MYOF: variants seen among roughly 807,000 people sequenced by gnomAD.
MYOF encodes myoferlin, also known as fer-1-like 3, myoferlin.
In MYOF, 244 loss-of-function variants were observed where a neutral mutation model predicts 284.2. That is an observed-to-expected ratio of 0.86 (90% CI 0.77 to 0.95). The LOEUF (loss-of-function observed/expected upper bound fraction) is 0.95. MYOF is among the 40% of genes least tolerant of loss of function. The pLI is 0.00. For synonymous variants in MYOF, 904 were observed against 919.7 expected (o/e 0.98, Z 0.31); for missense variants, 2,496 against 2,560.6 (o/e 0.97, Z 0.54).
At position 93,374,829 on chromosome 10, in the gene MYOF, T is replaced by G; in HGVS notation, c.2235A>C (p.Thr745=). ...TTTCTGCCAGTGTGGACTTCACATC[T>G]GTGGCTTCCGACCTCATCCTCACAG... ...EAAVRMRSEA[T]DVKSTLAEIE... Residue 745 remains threonine (T), a synonymous_variant, in exon 23 of 54, where the codon ACA becomes ACC. Coordinates refer to ENST00000359263, the MANE Select transcript of MYOF (RefSeq NM_013451.4). 6.2e-7 allele frequency: 1 copy of G among 1,614,202 alleles called. No homozygotes were observed. The highest frequency in any genetic ancestry group is 8.5e-7 in the Non-Finnish European group (1 of 1,180,026).
In MYOF at chr10:93,433,776, G is replaced by A. The variant is rs138913115; in HGVS notation, c.237-2260C>T. On this transcript the variant is annotated intron_variant, in intron 3 of 53. Transcript: ENST00000359263. ...AAAGTTGTTTCTCAGAGGTGCTCCG[G>A]GTACGCCACATGGCAGCATAGGCAC... Among the ~76,000 whole-genome samples, 311 of 152,196 alleles carry A rather than the reference G, an allele frequency of 2.0e-3. 1 individual carries two copies. The highest frequency in any genetic ancestry group is 0.02 in the Middle Eastern group (6 of 294).
At chr10:93,453,968 A>AG (rs1211335258) in intron 2 of MYOF, among the ~76,000 whole-genome samples, 1 of 152,190 alleles carries the variant, frequency 6.6e-6, no homozygotes, top group Non-Finnish European at 1.5e-5. Context: ...GGATCACCTG[A>AG]GGTCAGGAGT....
intron 4 of MYOF, among the ~76,000 whole-genome samples, chr10:93,428,388 TA>T (rs1848690842): frequency 6.7e-6 from 1 of 150,104 alleles, no homozygotes; most frequent in Non-Finnish European, 1.5e-5. Context: ...TTTTTTTTAA[TA>T]GAGACGGGGT....
chr10:93,411,092 A>G (rs887681391), intron 5 of MYOF, among the ~76,000 whole-genome samples: 3 of 152,290 alleles, frequency 2.0e-5, no homozygotes, highest in South Asian at 4.1e-4. Context: ...CCTTTAGCAC[A>G]GTATCTGGCA....
intron 53 of MYOF, among the ~76,000 whole-genome samples, chr10:93,308,789 G>A (rs896958307): frequency 2.0e-5 from 3 of 148,422 alleles, no homozygotes; most frequent in African/African-American, 2.5e-5. Flanking sequence ...TCAGCTCACT[G>A]CAACCTCCGC....
chr10:93,315,022 G>T (rs1201678948), intron 50 of MYOF, among the ~76,000 whole-genome samples: 2 of 152,214 alleles, frequency 1.3e-5, no homozygotes, highest in Non-Finnish European at 2.9e-5. Context: ...CTGCACTCCA[G>T]CCTGGGTGAG....
chr10:93,438,019 C>A (rs193171564), intron 3 of MYOF, among the ~76,000 whole-genome samples: 1 of 152,154 alleles, frequency 6.6e-6, no homozygotes, highest in African/African-American at 2.4e-5. Flanking sequence ...GAATCCTACT[C>A]GGTCAGTTTA....
At chr10:93,409,048 A>G in intron 6 of MYOF, 133 bp from the exon 7 acceptor site, 1 of 1,365,862 alleles carries the variant, frequency 7.3e-7, no homozygotes, top group Non-Finnish European at 9.9e-7. Flanking sequence ...GTGCTATACC[A>G]GGTGCTACCA....
intron 26 of MYOF, among the ~76,000 whole-genome samples, chr10:93,366,074 A>T (rs1845313078): frequency 6.6e-6 from 1 of 152,246 alleles, no homozygotes; most frequent in Non-Finnish European, 1.5e-5. Flanking sequence ...AGTAGGGTCA[A>T]ATCTCAGATC....
chr10:93,423,615 C>T (rs567866382), intron 5 of MYOF, among the ~76,000 whole-genome samples: 8 of 147,958 alleles, frequency 5.4e-5, no homozygotes, highest in South Asian at 2.1e-4. Flanking sequence ...GGGTGGATCA[C>T]GAGGTCAGGA....
intron 2 of MYOF, among the ~76,000 whole-genome samples, chr10:93,455,806 T>C (rs1204352916): frequency 6.6e-6 from 1 of 152,206 alleles, no homozygotes; most frequent in African/African-American, 2.4e-5. Context: ...ACATTCATTA[T>C]TGCTCTTGTC....
chr10:93,416,527 A>G (rs191053039), intron 5 of MYOF, among the ~76,000 whole-genome samples: 15 of 150,966 alleles, frequency 9.9e-5, no homozygotes, highest in Admixed American at 5.2e-4. Context: ...CATCTGAAGA[A>G]AAAAGAAAAA....
At chr10:93,312,272 C>T (rs1842421037) in intron 51 of MYOF, among the ~76,000 whole-genome samples, 1 of 152,200 alleles carries the variant, frequency 6.6e-6, no homozygotes, top group South Asian at 2.1e-4. Context: ...TTGAGTTCCT[C>T]AACTTGCTTG....
intron 1 of MYOF, among the ~76,000 whole-genome samples, chr10:93,467,923 C>A (rs976074966): frequency 6.6e-6 from 1 of 152,162 alleles, no homozygotes; most frequent in South Asian, 2.1e-4. Flanking sequence ...CTTTTTCAGA[C>A]CTTCCAGTGG....
At chr10:93,438,091 C>T (rs12241485) in intron 3 of MYOF, among the ~76,000 whole-genome samples, 2,352 of 152,242 alleles carry the variant, frequency 0.015, 68 homozygotes, top group African/African-American at 0.054. Context: ...TTCTCATTCT[C>T]TGCCATCCCC....
intron 7 of MYOF, among the ~76,000 whole-genome samples, chr10:93,406,783 C>T (rs563712171): frequency 1.6e-4 from 24 of 151,470 alleles, no homozygotes; most frequent in Non-Finnish European, 2.8e-4. Flanking sequence ...CCAGTTTGAA[C>T]GAAGAGGAAG....
At chr10:93,385,587 T>A (rs1401775455) in intron 19 of MYOF, among the ~76,000 whole-genome samples, 1 of 152,194 alleles carries the variant, frequency 6.6e-6, no homozygotes, top group Non-Finnish European at 1.5e-5. Context: ...CATTTCACTC[T>A]CTCCTGGGGC....
chr10:93,413,562 G>C (rs1847991659), intron 5 of MYOF, among the ~76,000 whole-genome samples: 1 of 152,212 alleles, frequency 6.6e-6, no homozygotes, highest in South Asian at 2.1e-4. Flanking sequence ...GATCTACAAA[G>C]AGCAACTCTT....
chr10:93,332,811 C>T (rs187976513), intron 43 of MYOF, among the ~76,000 whole-genome samples: 4 of 152,130 alleles, frequency 2.6e-5, no homozygotes, highest in East Asian at 2.0e-4. Context: ...CACGCCACTG[C>T]ACTCCAGCAT....
Sources: allele counts gnomAD v4.1 joint callset (sites outside exome capture counted in the v4.1 genomes callset), GRCh38; gene constraint gnomAD v4.1.1; transcripts MANE v1.5; gene names NCBI Gene and HGNC (gene_info 2026-07-23, HGNC 2026-07-21).